RCOR1: variants seen among roughly 807,000 people sequenced by gnomAD.
RCOR1 encodes REST corepressor.
Under a neutral mutation model 64.0 loss-of-function variants are expected in RCOR1, and 12 were observed. The ratio of observed to expected loss-of-function variants is 0.19; its 90% CI spans 0.12 to 0.30. RCOR1 has a LOEUF of 0.30. Ranked by LOEUF, RCOR1 falls within the 10% of genes least tolerant of loss-of-function variation. RCOR1 has a pLI of 1.00. For missense variants in RCOR1, 502 were observed against 621.2 expected, an observed-to-expected ratio of 0.81 and a Z score of 2.04; for synonymous variants, 279 against 227.2, an observed-to-expected ratio of 1.23 and a Z score of -2.05.
At chr14:102,622,978 A>G (rs1893905398) in intron 2 of RCOR1, among the ~76,000 whole-genome samples, 1 of 152,030 alleles carries the variant, frequency 6.6e-6, no homozygotes, top group South Asian at 2.1e-4. Flanking sequence ...GTCTAATATC[A>G]GTATAGCTAT....
rs951947375 is a variant in RCOR1, at chr14:102,696,060, A to G, written c.446-5218A>G. On this transcript the variant is annotated intron_variant, in intron 3 of 11. Coordinates refer to ENST00000262241, the MANE Select transcript of RCOR1 (RefSeq NM_015156.4). ...CTGTTGTTTCTGCTTGTCAGTATAG[A>G]TGCCGAACCTTTAGGAAGCATTCCT... is the stretch of plus-strand genomic sequence containing the variant. Among the ~76,000 whole-genome samples the G allele has an allele frequency of 3.3e-5, 5 of 152,160 alleles. No individual in the cohort carries two copies. In the South Asian group the frequency reaches 1.0e-3, roughly 32 times the overall value.
intron 7 of RCOR1, among the ~76,000 whole-genome samples, chr14:102,713,318 G>A (rs1439574013): frequency 2.0e-5 from 3 of 148,094 alleles, no homozygotes; most frequent in East Asian, 4.0e-4. Context: ...GAGTGCAGTG[G>A]TGCAATCTCG....
chr14:102,657,305 T>C, intron 2 of RCOR1: 3 of 985,312 alleles, frequency 3.0e-6, no homozygotes, highest in Non-Finnish European at 3.6e-6. Context: ...AGGCGATATG[T>C]CCTCATGTTC....
intron 2 of RCOR1, among the ~76,000 whole-genome samples, chr14:102,629,481 G>T (rs1894060131): frequency 6.7e-6 from 1 of 149,998 alleles, no homozygotes; most frequent in South Asian, 2.1e-4. Context: ...AGTGCCTGGT[G>T]CAAATTTGCC....
chr14:102,676,847 G>A (rs1390101650), intron 2 of RCOR1, among the ~76,000 whole-genome samples: 5 of 96,322 alleles, frequency 5.2e-5, no homozygotes, highest in African/African-American at 2.1e-4. Context: ...GCGGCTGGCC[G>A]GGCGAGGGGC....
At chr14:102,637,427 C>T (rs1356072741) in intron 2 of RCOR1, among the ~76,000 whole-genome samples, 7 of 150,428 alleles carry the variant, frequency 4.7e-5, no homozygotes, top group East Asian at 4.0e-4. Flanking sequence ...TGCACCTGGC[C>T]GCATATATAT....
At chr14:102,657,219 A>T in intron 2 of RCOR1, 1 of 985,188 alleles carries the variant, frequency 1.0e-6, no homozygotes, top group Non-Finnish European at 1.2e-6. Flanking sequence ...ACGGTGCTGG[A>T]TATGGATGTG....
intron 2 of RCOR1, among the ~76,000 whole-genome samples, chr14:102,637,870 C>T (rs1384951958): frequency 6.6e-6 from 1 of 152,040 alleles, no homozygotes; most frequent in Non-Finnish European, 1.5e-5. Flanking sequence ...GGGAGCATTG[C>T]TTTGTTTTTT....
At chr14:102,595,091 ACTT>A (rs1257467155) in intron 2 of RCOR1, among the ~76,000 whole-genome samples, 104 of 152,280 alleles carry the variant, frequency 6.8e-4, no homozygotes, top group African/African-American at 2.4e-3. Flanking sequence ...AATGAGTTTG[ACTT>A]CTTTGGAGTT....
chr14:102,692,768 C>CT (rs538053987), intron 3 of RCOR1, among the ~76,000 whole-genome samples: 6,997 of 111,886 alleles, frequency 0.063, 401 homozygotes, highest in African/African-American at 0.11. Context: ...TTTTCTTTTT[C>CT]TTTTTTTTTT....
At chr14:102,708,689 G>A in intron 6 of RCOR1, 106 bp downstream of exon 6, 2 of 664,336 alleles carry the variant, frequency 3.0e-6, no homozygotes, top group South Asian at 3.6e-5. Context: ...GCGCCTTCCT[G>A]GTGGAACCAC....
At chr14:102,661,203 C>T (rs1894817638) in intron 2 of RCOR1, among the ~76,000 whole-genome samples, 1 of 152,050 alleles carries the variant, frequency 6.6e-6, no homozygotes. Context: ...AAAAAATTAG[C>T]TGGGCGTGAT....
chr14:102,619,395 C>T (rs1893825624), intron 2 of RCOR1, among the ~76,000 whole-genome samples: 1 of 151,818 alleles, frequency 6.6e-6, no homozygotes, highest in Non-Finnish European at 1.5e-5. Flanking sequence ...GCTGAGATTA[C>T]AGATGTGAGC....
At chr14:102,724,138 C>G (rs1595247957) in intron 11 of RCOR1, among the ~76,000 whole-genome samples, 1 of 152,128 alleles carries the variant, frequency 6.6e-6, no homozygotes, top group East Asian at 1.9e-4. Context: ...CTAGTTATGG[C>G]TCCTCCAAGC....
At chr14:102,707,947 G>A (rs933159043) in intron 5 of RCOR1, among the ~76,000 whole-genome samples, 32 of 147,666 alleles carry the variant, frequency 2.2e-4, no homozygotes, top group African/African-American at 7.2e-4. Context: ...GTGCCACCAC[G>A]GCCGGCTAAT....
chr14:102,655,298 T>A, intron 2 of RCOR1: 1 of 985,136 alleles, frequency 1.0e-6, no homozygotes, highest in South Asian at 4.7e-5. Context: ...CTACAAGGAT[T>A]CTGTTTAAAT....
intron 2 of RCOR1, among the ~76,000 whole-genome samples, chr14:102,671,961 T>A (rs1895039176): frequency 6.6e-6 from 1 of 152,186 alleles, no homozygotes; most frequent in African/African-American, 2.4e-5. Context: ...GACTGGCTGC[T>A]TTCACTTAGC....
At chr14:102,623,031 G>A (rs1893906565) in intron 2 of RCOR1, among the ~76,000 whole-genome samples, 1 of 152,018 alleles carries the variant, frequency 6.6e-6, no homozygotes, top group African/African-American at 2.4e-5. Flanking sequence ...ATCTTTTTCT[G>A]TCTTTTTTAT....
At chr14:102,701,422 T>G (rs764565721) in intron 4 of RCOR1, 92 bp downstream of exon 4, 40 of 958,646 alleles carry the variant, frequency 4.2e-5, no homozygotes, top group Non-Finnish European at 5.8e-5. Flanking sequence ...TGAGTAGCAG[T>G]GTTTCTTCAT....
Sources: gnomAD v4.1 joint callset for allele counts (sites outside exome capture counted in the v4.1 genomes callset) on GRCh38, gnomAD v4.1.1 for gene constraint, MANE v1.5 for transcripts, NCBI Gene and HGNC (gene_info 2026-07-23, HGNC 2026-07-21) for gene names.